The following TMEM74 variants were observed in gnomAD, a reference collection of about 807,000 sequenced individuals.
TMEM74 encodes transmembrane protein 74.
TMEM74 carries 13 observed loss-of-function variants against 18.1 expected under a neutral mutation model. That is an observed-to-expected ratio of 0.72 (90% CI 0.47 to 1.14). TMEM74 has a LOEUF of 1.14. TMEM74 is among the 50% of genes most tolerant of loss of function. TMEM74 has a pLI of 0.00. For missense variants in TMEM74, 372 were observed against 375.9 expected, an observed-to-expected ratio of 0.99 and a Z score of 0.09; for synonymous variants, 159 against 146.6, an observed-to-expected ratio of 1.08 and a Z score of -0.61.
chr8:108,625,902 G>C (rs1410421097), intron 2 of TMEM74, among the ~76,000 whole-genome samples: 1 of 151,898 alleles, frequency 6.6e-6, no homozygotes, highest in Non-Finnish European at 1.5e-5. Flanking sequence ...AGTATGTAAG[G>C]GGTACATAGT....
intron 1 of TMEM74, among the ~76,000 whole-genome samples, chr8:108,712,640 A>G (rs1813485355): frequency 6.6e-6 from 1 of 151,622 alleles, no homozygotes; most frequent in Non-Finnish European, 1.5e-5. Context: ...TCACATGATC[A>G]GGATTATGGT....
intron 1 of TMEM74, among the ~76,000 whole-genome samples, chr8:108,785,405 G>T (rs548207792): frequency 6.6e-6 from 1 of 152,284 alleles, no homozygotes; most frequent in East Asian, 1.9e-4. Context: ...TACTGAGAAA[G>T]AATACTGCCG....
At position 108,702,216 on chromosome 8, in the gene TMEM74, C is replaced by A. The variant is rs1463768274; in HGVS notation, n.120-46779G>T. ...AAAATTAGCCAGGTGTGGTGGTGGG[C>A]ACCTGTAATCCCAGCTGCTTGGAAG... On this transcript the variant is annotated intron_variant and non_coding_transcript_variant, in intron 1 of 3. Transcript: ENST00000518838. Among the ~76,000 whole-genome samples, 5 of 151,712 alleles carry A rather than the reference C, an allele frequency of 3.3e-5. No homozygotes were observed. In the South Asian group the frequency reaches 1.0e-3, roughly 32 times the overall value.
At chr8:108,688,966 C>A (rs996858227) in intron 1 of TMEM74, among the ~76,000 whole-genome samples, 2 of 152,152 alleles carry the variant, frequency 1.3e-5, no homozygotes, top group African/African-American at 4.8e-5. Context: ...AACCTCTTCT[C>A]TAGTGTCAAG....
intron 1 of TMEM74, among the ~76,000 whole-genome samples, chr8:108,664,768 T>C (rs937090395): frequency 1.3e-5 from 2 of 151,970 alleles, no homozygotes; most frequent in African/African-American, 2.4e-5. Flanking sequence ...AAGAAACAAG[T>C]AGAGGATGTT....
At chr8:108,705,683 T>G (rs1813389955) in intron 1 of TMEM74, among the ~76,000 whole-genome samples, 1 of 152,136 alleles carries the variant, frequency 6.6e-6, no homozygotes, top group South Asian at 2.1e-4. Context: ...CGTACATCTT[T>G]TATGTACCTT....
chr8:108,769,929 T>A (rs1464813823), intron 1 of TMEM74, among the ~76,000 whole-genome samples: 1 of 152,030 alleles, frequency 6.6e-6, no homozygotes, highest in Non-Finnish European at 1.5e-5. Flanking sequence ...TGGGGCCAGT[T>A]TCCAATTTCC....
At chr8:108,700,691 A>G (rs1451718410) in intron 1 of TMEM74, among the ~76,000 whole-genome samples, 1 of 152,174 alleles carries the variant, frequency 6.6e-6, no homozygotes, top group Non-Finnish European at 1.5e-5. Context: ...AATGAAGTGA[A>G]TTCGTGATGT....
rs563401424 is a variant in TMEM74, at chr8:108,682,338, T to G, written n.120-26901A>C. Among the ~76,000 whole-genome samples, 6 of 152,240 alleles carry G rather than the reference T, an allele frequency of 3.9e-5. No homozygotes were observed. The East Asian group carries it at 1.2e-3, about 29-fold the overall frequency. ...CTAACATCTATCATCATTCTTAACTTAAATGTCACTTTTCAAAGAGATTTT... is the reference window on the plus strand; with the variant it reads ...CTAACATCTATCATCATTCTTAACTGAAATGTCACTTTTCAAAGAGATTTT... On this transcript the variant is annotated intron_variant and non_coding_transcript_variant, in intron 1 of 3. Transcript: ENST00000518838.
Position 108,700,260 on chromosome 8 carries a change from C to G in TMEM74, n.120-44823G>C, listed in dbSNP as rs1480991484. Among the ~76,000 whole-genome samples the G allele has an allele frequency of 2.0e-5, 3 of 151,786 alleles. 1 individual carries two copies. Among genetic ancestry groups the G allele is most frequent in the Non-Finnish European group, 4.4e-5 (3 of 67,972 alleles). ...GAAACTCAGTGGGGGGATGTTAGCA[C>G]CACTCAGATAGATGCTAATGCAGAG... On this transcript the variant is annotated intron_variant and non_coding_transcript_variant, in intron 1 of 3. Transcript: ENST00000518838.
intron 1 of TMEM74, among the ~76,000 whole-genome samples, chr8:108,764,675 C>A (rs1814082323): frequency 6.6e-6 from 1 of 152,118 alleles, no homozygotes; most frequent in Non-Finnish European, 1.5e-5. Flanking sequence ...TTAGGCTCAG[C>A]TGGCGGAGGT....
chr8:108,646,027 A>G (rs959200668), intron 2 of TMEM74, among the ~76,000 whole-genome samples: 63 of 151,792 alleles, frequency 4.2e-4, no homozygotes, highest in African/African-American at 1.5e-3. Context: ...TTATAAAATT[A>G]TTTTAAGAGA....
chr8:108,688,302 T>G (rs1218026947), intron 1 of TMEM74, among the ~76,000 whole-genome samples: 1 of 152,238 alleles, frequency 6.6e-6, no homozygotes, highest in African/African-American at 2.4e-5. Context: ...TATCCTTATT[T>G]TCTTCCACAA....
chr8:108,652,142 A>G (rs181868665), intron 2 of TMEM74, among the ~76,000 whole-genome samples: 8 of 152,320 alleles, frequency 5.3e-5, no homozygotes, highest in African/African-American at 1.9e-4. Context: ...CAATTTCACA[A>G]CAAATCTAAG....
At chr8:108,718,542 A>G (rs996631630) in intron 1 of TMEM74, among the ~76,000 whole-genome samples, 2 of 152,024 alleles carry the variant, frequency 1.3e-5, no homozygotes, top group African/African-American at 4.8e-5. Flanking sequence ...AGTTTTGAAG[A>G]GCTAATTAGT....
chr8:108,761,224 T>G (rs555550328), intron 1 of TMEM74, among the ~76,000 whole-genome samples: 2 of 152,186 alleles, frequency 1.3e-5, no homozygotes, highest in Admixed American at 1.3e-4. Context: ...GTCAGGAACG[T>G]GGGCTCTATC....
chr8:108,669,231 C>T (rs1476332077), intron 1 of TMEM74, among the ~76,000 whole-genome samples: 2 of 152,092 alleles, frequency 1.3e-5, no homozygotes, highest in African/African-American at 4.8e-5. Flanking sequence ...GACTTCCTGA[C>T]CCTCAAAGCA....
At chr8:108,698,284 T>C (rs1356761134) in intron 1 of TMEM74, among the ~76,000 whole-genome samples, 1 of 152,230 alleles carries the variant, frequency 6.6e-6, no homozygotes, top group Non-Finnish European at 1.5e-5. Context: ...GCTTTATCCA[T>C]TTCCAAATTT....
chr8:108,667,471 T>G (rs1812959896), intron 1 of TMEM74, among the ~76,000 whole-genome samples: 1 of 152,138 alleles, frequency 6.6e-6, no homozygotes, highest in South Asian at 2.1e-4. Context: ...TAATAGGAAA[T>G]AAAAACTCCA....
Sources: allele counts gnomAD v4.1 joint callset (sites outside exome capture counted in the v4.1 genomes callset), GRCh38; gene constraint gnomAD v4.1.1; transcripts MANE v1.5; gene names NCBI Gene and HGNC (gene_info 2026-07-23, HGNC 2026-07-21).